CFAP44: variants seen among roughly 807,000 people sequenced by gnomAD.
CFAP44 encodes cilia- and flagella-associated protein 44.
In CFAP44, 134 loss-of-function variants were observed where a neutral mutation model predicts 216.2. The ratio of observed to expected loss-of-function variants is 0.62; its 90% CI spans 0.54 to 0.72. The LOEUF (loss-of-function observed/expected upper bound fraction) is 0.72, where lower values mean the gene tolerates loss of function less well. Ranked by LOEUF, CFAP44 falls within the 30% of genes least tolerant of loss-of-function variation. The probability of loss-of-function intolerance (pLI) is 0.00; values close to 1 mark genes in which losing one functional copy is unlikely to be tolerated. For missense variants in CFAP44, 2,035 were observed against 2,182.1 expected (o/e 0.93, Z 1.34); for synonymous variants, 700 against 727.6 (o/e 0.96, Z 0.61).
At position 113,373,529 on chromosome 3, in the gene CFAP44, G is replaced by A. The variant is rs139880676; in HGVS notation, c.2326C>T (p.His776Tyr). ...LGGYDSGFLY[H>Y]CEFPPCDESS... ...TCATCACAAGGGGGGAACTCACAGT[G>A]ATATAGAAAACCAGAATCATAGCCA... The change falls in exon 18 of 35, where the codon CAC becomes TAC. Residue 776 changes from histidine (H) to tyrosine (Y), a missense_variant. By Grantham distance (83) the His-to-Tyr change is moderately conservative. This residue lies in a region of CFAP44 where 1,883 missense variants were observed against 2,023.7 expected (regional missense o/e 0.93). Transcript: ENST00000393845. The A allele has an allele frequency of 6.3e-7, 1 of 1,595,016 alleles. No homozygotes were observed. The highest frequency in any genetic ancestry group is 8.5e-7 in the Non-Finnish European group (1 of 1,170,140).
chr3:113,432,262 G>A (rs1189376300), intron 2 of CFAP44: 1 of 152,178 alleles, frequency 6.6e-6, no homozygotes, highest in Non-Finnish European at 1.5e-5. Context: ...AGCTCTTAAG[G>A]AACTTAGAGC....
intron 30 of CFAP44, 72 bp downstream of exon 30, chr3:113,306,129 A>G: frequency 6.9e-7 from 1 of 1,459,518 alleles, no homozygotes; most frequent in South Asian, 1.4e-5. Flanking sequence ...TCATTGCTAT[A>G]AAAAGGCAAT....
intron 1 of CFAP44, among the ~76,000 whole-genome samples, chr3:113,439,136 C>T (rs1935301567): frequency 6.6e-6 from 1 of 152,190 alleles, no homozygotes; most frequent in East Asian, 1.9e-4. Context: ...AATTTCGTTT[C>T]ATTAGATCCA....
intron 28 of CFAP44, among the ~76,000 whole-genome samples, chr3:113,310,415 G>A (rs1029329435): frequency 1.3e-5 from 2 of 152,212 alleles, no homozygotes; most frequent in African/African-American, 4.8e-5. Context: ...TATCCCTTGG[G>A]TGACAATGAA....
At position 113,400,613 on chromosome 3, in the gene CFAP44, T is replaced by A; in HGVS notation, c.1406A>T (p.His469Leu). 1 of 1,610,974 alleles carries A rather than the reference T, an allele frequency of 6.2e-7. No individual in the cohort carries two copies. Reference protein sequence around the residue: ...TQDPECLFSFHSGAIEAVAVS... With the variant: ...TQDPECLFSFLSGAIEAVAVS... ...AGCCACGGCTTCAATAGCTCCAGAA[T>A]GGAAGGAGAAGAGGCATTCTGGGTC... is the stretch of plus-strand genomic sequence containing the variant. Residue 469 changes from histidine (H) to leucine (L), a missense_variant, in exon 12 of 35, where the codon CAT becomes CTT. His to Leu is a moderately conservative substitution (Grantham distance 99). Around this residue, in one of 3 missense-constraint regions of CFAP44, gnomAD observed 1,883 missense variants for 2,023.7 expected, o/e 0.93. Coordinates refer to ENST00000393845, the MANE Select transcript of CFAP44 (RefSeq NM_001164496.2).
intron 15 of CFAP44, among the ~76,000 whole-genome samples, chr3:113,385,982 CA>C (rs1375708144): frequency 2.0e-5 from 3 of 151,936 alleles, no homozygotes; most frequent in Non-Finnish European, 4.4e-5. Flanking sequence ...ATGTTTTATC[CA>C]TTATTAGAAG....
chr3:113,435,100 G>A (rs527525481), intron 1 of CFAP44, among the ~76,000 whole-genome samples: 56 of 152,300 alleles, frequency 3.7e-4, no homozygotes, highest in African/African-American at 1.3e-3. Flanking sequence ...GCTCATGCCT[G>A]TAATCCTGGC....
chr3:113,380,594 C>T (rs982126791), intron 16 of CFAP44, among the ~76,000 whole-genome samples: 3 of 152,102 alleles, frequency 2.0e-5, no homozygotes, highest in African/African-American at 7.2e-5. Context: ...ATGTGCCTGG[C>T]CCCTCCCATT....
chr3:113,346,614 A>G (rs1437467727), intron 22 of CFAP44, among the ~76,000 whole-genome samples: 3 of 151,902 alleles, frequency 2.0e-5, no homozygotes, highest in African/African-American at 7.3e-5. Context: ...ACCAATCAAC[A>G]CTCTGTAAAA....
chr3:113,404,316 C>T (rs1002429223), intron 8 of CFAP44, among the ~76,000 whole-genome samples: 1 of 151,926 alleles, frequency 6.6e-6, no homozygotes, highest in Non-Finnish European at 1.5e-5. Context: ...TCTCTTAGGA[C>T]AAAAGACAGG....
At chr3:113,414,929 A>C (rs1934603049) in intron 6 of CFAP44, among the ~76,000 whole-genome samples, 1 of 152,194 alleles carries the variant, frequency 6.6e-6, no homozygotes, top group Admixed American at 6.5e-5. Flanking sequence ...TAGTTTCAGA[A>C]GGAATGGTAC....
In CFAP44 at chr3:113,433,688, G is replaced by A. The variant is rs747357047; in HGVS notation, c.-5-19C>T. The A allele has an allele frequency of 1.9e-6, 3 of 1,558,450 alleles. No individual in the cohort carries two copies. Among genetic ancestry groups the A allele is most frequent in the Non-Finnish European group, 2.7e-6 (3 of 1,131,542 alleles). The stretch of plus-strand genomic sequence containing the variant: ...ATTTCCTCTGTAAGTACAAAATGGG[G>A]ATGAGATATGGATAAAGCTGTAAAA... On this transcript the variant is annotated intron_variant, in intron 1 of 34. Transcript: ENST00000393845.
chr3:113,321,723 T>C (rs1018458826), intron 28 of CFAP44, among the ~76,000 whole-genome samples: 1 of 152,148 alleles, frequency 6.6e-6, no homozygotes, highest in African/African-American at 2.4e-5. Flanking sequence ...ACATCAATAA[T>C]GTACAGTCTG....
intron 2 of CFAP44, among the ~76,000 whole-genome samples, chr3:113,428,373 T>C (rs1236453072): frequency 6.6e-6 from 1 of 152,036 alleles, no homozygotes; most frequent in East Asian, 1.9e-4. Context: ...AAATAATGGG[T>C]ATTCTGAGCC....
intron 15 of CFAP44, among the ~76,000 whole-genome samples, chr3:113,394,306 C>T (rs990635276): frequency 1.3e-5 from 2 of 152,154 alleles, no homozygotes; most frequent in Non-Finnish European, 2.9e-5. Context: ...AATGTCACAC[C>T]TACTCCCCTC....
intron 33 of CFAP44, among the ~76,000 whole-genome samples, chr3:113,296,224 A>G (rs1949878600): frequency 6.6e-6 from 1 of 152,140 alleles, no homozygotes; most frequent in South Asian, 2.1e-4. Flanking sequence ...AAAGGACATG[A>G]TATCATTTTT....
At chr3:113,401,781 T>C in intron 9 of CFAP44, 42 bp from the exon 10 acceptor site, 1 of 1,538,096 alleles carries the variant, frequency 6.5e-7, no homozygotes, top group Non-Finnish European at 8.7e-7. Context: ...ATCAGTAGTT[T>C]CTGAACATTT....
intron 28 of CFAP44, 60 bp from the exon 29 acceptor site, chr3:113,308,328 T>A: frequency 7.7e-7 from 1 of 1,292,526 alleles, no homozygotes; most frequent in Non-Finnish European, 1.0e-6. Context: ...AAATACTAGA[T>A]TTTTAAAGTA....
At position 113,373,479 on chromosome 3, in the gene CFAP44, T is replaced by A; in HGVS notation, c.2376A>T (p.Lys792Asn). ...CDESSDFKEQ[K>N]DEPIDVRYLA... ...GATAACGGACATCAATAGGTTCATC[T>A]TTTTGTTCTTTGAAATCACTGCTTT... is the stretch of plus-strand genomic sequence containing the variant. Residue 792 changes from lysine to asparagine, a missense_variant, in exon 18 of 35, where the codon AAA becomes AAT. Lys to Asn is a moderately conservative substitution (Grantham distance 94). Transcript: ENST00000393845. The A allele has an allele frequency of 3.7e-6, 6 of 1,610,048 alleles. No homozygotes were observed. Among genetic ancestry groups the A allele is most frequent in the Non-Finnish European group, 5.1e-6 (6 of 1,177,772 alleles).
Sources: gnomAD v4.1 joint callset for allele counts (sites outside exome capture counted in the v4.1 genomes callset) on GRCh38, gnomAD v4.1.1 for gene constraint, gnomAD v4.1.1 regional missense constraint, MANE v1.5 for transcripts, NCBI Gene and HGNC (gene_info 2026-07-23, HGNC 2026-07-21) for gene names.